The following ARHGAP24 variants were observed in gnomAD, a reference collection of about 807,000 sequenced individuals.
ARHGAP24 encodes the protein Rho GTPase activating protein 24, also known as rho GTPase-activating protein 24.
ARHGAP24 carries 50 observed loss-of-function variants against 76.4 expected under a neutral mutation model. The ratio of observed to expected loss-of-function variants is 0.65; its 90% confidence interval spans 0.52 to 0.83. The LOEUF is 0.83. Ranked by LOEUF, ARHGAP24 falls within the 40% of genes least tolerant of loss-of-function variation. The pLI, the probability that ARHGAP24 is intolerant of heterozygous loss-of-function variation, is 0.00. For missense variants in ARHGAP24, 930 were observed against 914.2 expected, an observed-to-expected ratio of 1.02 and a Z score of -0.22; for synonymous variants, 345 against 323.3, an observed-to-expected ratio of 1.07 and a Z score of -0.72.
At chr4:85,717,479 A>G (rs1724778213) in intron 2 of ARHGAP24, among the ~76,000 whole-genome samples, 1 of 152,112 alleles carries the variant, frequency 6.6e-6, no homozygotes, top group Non-Finnish European at 1.5e-5. Context: ...TACAGATACC[A>G]AGTGTAACAT....
intron 4 of ARHGAP24, chr4:85,930,568 T>TA (rs1276396978): frequency 1.9e-5 from 20 of 1,036,598 alleles, no homozygotes; most frequent in Non-Finnish European, 2.2e-5. Flanking sequence ...CAGTTCTTAA[T>TA]AAAAACAAAA....
In ARHGAP24 at chr4:85,791,625, T is replaced by C. The variant is rs541248533; in HGVS notation, c.268+69653T>C. Reference sequence around the variant, plus strand: ...CATGTAGAAGATTTAGGTGCAATGATTGGGGTCATCGTGTGCCCTTCCAAT... The same window carrying C: ...CATGTAGAAGATTTAGGTGCAATGACTGGGGTCATCGTGTGCCCTTCCAAT... On this transcript the variant is annotated intron_variant, in intron 3 of 9. Transcript: ENST00000395184. Among the ~76,000 whole-genome samples the C allele has an allele frequency of 5.9e-5, 9 of 152,296 alleles. 1 individual carries two copies. The highest frequency in any genetic ancestry group is 1.9e-4 in the East Asian group (1 of 5,190).
chr4:85,491,341 TCTG>T lies in ARHGAP24; in HGVS notation c.-21+15785_-21+15787del, dbSNP rs886791040. 4.6e-5 allele frequency among the ~76,000 whole-genome samples: 7 copies of T among 152,346 alleles called. No individual in the cohort carries two copies. In the South Asian group the frequency reaches 1.0e-3, roughly 23 times the overall value. On this transcript the variant is annotated intron_variant, in intron 1 of 9. Transcript: ENST00000395184. ...AACAATTTTGTTATCTCTCATTTCC[TCTG>T]CTAATTTTTGTGTTTAACTTTAAAT...
chr4:85,898,472 A>G (rs1321753457), intron 3 of ARHGAP24, among the ~76,000 whole-genome samples: 2 of 152,150 alleles, frequency 1.3e-5, no homozygotes, highest in Non-Finnish European at 1.5e-5. Flanking sequence ...TCAGGCTGAA[A>G]CTGATGAGAT....
At chr4:85,896,473 T>A (rs1388593158) in intron 3 of ARHGAP24, among the ~76,000 whole-genome samples, 1 of 152,216 alleles carries the variant, frequency 6.6e-6, no homozygotes, top group African/African-American at 2.4e-5. Flanking sequence ...CTTCTTATAG[T>A]GTCGTAGAAT....
chr4:85,780,471 C>CT (rs1205717989), intron 3 of ARHGAP24, among the ~76,000 whole-genome samples: 1 of 151,728 alleles, frequency 6.6e-6, no homozygotes, highest in African/African-American at 2.4e-5. Context: ...TGCGCCCAGC[C>CT]TTTTTTTAAT....
At chr4:85,672,939 G>C (rs994752238) in intron 2 of ARHGAP24, among the ~76,000 whole-genome samples, 3 of 152,088 alleles carry the variant, frequency 2.0e-5, no homozygotes, top group Non-Finnish European at 2.9e-5. Context: ...ACAATACATT[G>C]AATATATGCA....
At chr4:85,785,098 A>T (rs1251608780) in intron 3 of ARHGAP24, among the ~76,000 whole-genome samples, 1 of 152,158 alleles carries the variant, frequency 6.6e-6, no homozygotes, top group African/African-American at 2.4e-5. Flanking sequence ...TCAGAATTTG[A>T]GGTCCAGCTT....
At chr4:85,941,465 A>G (rs1454555182) in intron 4 of ARHGAP24, among the ~76,000 whole-genome samples, 1 of 152,204 alleles carries the variant, frequency 6.6e-6, no homozygotes, top group Admixed American at 6.5e-5. Context: ...TGCTTTGTAA[A>G]TTTCCATTTT....
chr4:85,526,837 G>A (rs1725022885), intron 1 of ARHGAP24, among the ~76,000 whole-genome samples: 1 of 152,112 alleles, frequency 6.6e-6, no homozygotes, highest in African/African-American at 2.4e-5. Flanking sequence ...AAAAGAAATA[G>A]CGTTCAGCTT....
At chr4:85,564,970 A>ATG (rs1553914962) in intron 1 of ARHGAP24, among the ~76,000 whole-genome samples, 2 of 116,502 alleles carry the variant, frequency 1.7e-5, no homozygotes, top group East Asian at 2.6e-4. Flanking sequence ...ATATATATAT[A>ATG]CCCACACCCA....
intron 2 of ARHGAP24, among the ~76,000 whole-genome samples, chr4:85,590,204 TC>T (rs1728032198): frequency 1.5e-5 from 1 of 67,528 alleles, no homozygotes. Context: ...CTTCCTTCCT[TC>T]CTTCCTTCCT....
chr4:85,616,691 G>A (rs367643759), intron 2 of ARHGAP24, among the ~76,000 whole-genome samples: 2 of 152,094 alleles, frequency 1.3e-5, no homozygotes, highest in African/African-American at 4.8e-5. Flanking sequence ...GCAGTGGCAC[G>A]ATCTCAGCTC....
intron 3 of ARHGAP24, among the ~76,000 whole-genome samples, chr4:85,887,576 A>T (rs1733631866): frequency 6.6e-6 from 1 of 152,156 alleles, no homozygotes. Context: ...TACAGTTGTA[A>T]ATATTTTACA....
At chr4:85,624,338 G>T (rs1720841691) in intron 2 of ARHGAP24, among the ~76,000 whole-genome samples, 1 of 152,104 alleles carries the variant, frequency 6.6e-6, no homozygotes, top group African/African-American at 2.4e-5. Flanking sequence ...CATCTATTGA[G>T]ATAATCATGT....
intron 2 of ARHGAP24, among the ~76,000 whole-genome samples, chr4:85,720,041 A>G (rs1724869076): frequency 6.7e-6 from 1 of 149,592 alleles, no homozygotes; most frequent in Non-Finnish European, 1.5e-5. Flanking sequence ...GCATGTTCTC[A>G]CTCATAGCTG....
intron 2 of ARHGAP24, among the ~76,000 whole-genome samples, chr4:85,607,947 C>G (rs1720257224): frequency 6.6e-6 from 1 of 151,774 alleles, no homozygotes. Context: ...GGTGTTTATA[C>G]AGGTGTGCCT....
intron 2 of ARHGAP24, among the ~76,000 whole-genome samples, chr4:85,607,046 T>C (rs1720219124): frequency 2.0e-5 from 3 of 152,212 alleles, no homozygotes; most frequent in Admixed American, 6.5e-5. Context: ...GTATCTGCAG[T>C]TCTCTCAAGT....
At chr4:85,749,272 T>C (rs949142131) in intron 3 of ARHGAP24, among the ~76,000 whole-genome samples, 1 of 152,252 alleles carries the variant, frequency 6.6e-6, no homozygotes, top group Non-Finnish European at 1.5e-5. Context: ...AATAGTTGCT[T>C]CTTAGTTGTT....
Sources: gnomAD v4.1 joint callset for allele counts (sites outside exome capture counted in the v4.1 genomes callset) on GRCh38, gnomAD v4.1.1 for gene constraint, MANE v1.5 for transcripts, NCBI Gene and HGNC (gene_info 2026-07-23, HGNC 2026-07-21) for gene names.